IGF2BP3: variants seen among roughly 807,000 people sequenced by gnomAD.
IGF2BP3 encodes insulin like growth factor 2 mRNA binding protein 3, also known as insulin-like growth factor 2 mRNA-binding protein 3.
IGF2BP3 carries 9 observed loss-of-function variants against 73.8 expected under a neutral mutation model. The ratio of observed to expected loss-of-function variants is 0.12; its 90% CI spans 0.07 to 0.21. IGF2BP3 has a LOEUF of 0.21. Among genes scored for constraint, IGF2BP3 ranks in the 10% least tolerant of loss-of-function variants. IGF2BP3 has a pLI of 1.00. For missense variants in IGF2BP3, 542 were observed against 714.0 expected, an observed-to-expected ratio of 0.76 and a Z score of 2.75; for synonymous variants, 258 against 256.7, an observed-to-expected ratio of 1.01 and a Z score of -0.05.
chr7:23,362,782 C>G (rs1785265142), intron 3 of IGF2BP3: 1 of 152,134 alleles, frequency 6.6e-6, no homozygotes, highest in Non-Finnish European at 1.5e-5. Context: ...GAGACAGGGT[C>G]TTGCTATGTC....
chr7:23,424,318 T>C (rs1409552564), intron 2 of IGF2BP3, among the ~76,000 whole-genome samples: 1 of 151,172 alleles, frequency 6.6e-6, no homozygotes, highest in Non-Finnish European at 1.5e-5. Context: ...GCCAAGATGG[T>C]GAAACCCCGT....
intron 2 of IGF2BP3, among the ~76,000 whole-genome samples, chr7:23,435,720 T>C (rs949557536): frequency 6.6e-6 from 1 of 151,906 alleles, no homozygotes; most frequent in African/African-American, 2.4e-5. Context: ...CCTCCCAAAG[T>C]GCTGGGATTA....
At chr7:23,317,757 C>T (rs781299789) in intron 11 of IGF2BP3, 44 bp from the exon 12 acceptor site, 9 of 1,491,176 alleles carry the variant, frequency 6.0e-6, no homozygotes, top group Non-Finnish European at 8.4e-6. Flanking sequence ...TCAGGTATCA[C>T]TGATAGGCAT....
intron 10 of IGF2BP3, among the ~76,000 whole-genome samples, chr7:23,320,390 T>C (rs1224521719): frequency 6.6e-6 from 1 of 152,092 alleles, no homozygotes; most frequent in Non-Finnish European, 1.5e-5. Flanking sequence ...AGGACACATT[T>C]GCTCAAGAGT....
intron 2 of IGF2BP3, among the ~76,000 whole-genome samples, chr7:23,421,674 G>A (rs1245788556): frequency 2.1e-5 from 3 of 141,862 alleles, no homozygotes; most frequent in Non-Finnish European, 4.6e-5. Context: ...CTGGGTGACA[G>A]AGCGAGACTC....
chr7:23,359,834 T>G (rs1170081199), intron 5 of IGF2BP3, among the ~76,000 whole-genome samples: 1 of 152,052 alleles, frequency 6.6e-6, no homozygotes, highest in East Asian at 1.9e-4. Flanking sequence ...TTCCTGGTCT[T>G]CTTACATGAT....
intron 14 of IGF2BP3, 115 bp from the exon 15 acceptor site, chr7:23,312,575 CT>C (rs1292970608): frequency 9.7e-6 from 9 of 929,630 alleles, no homozygotes; most frequent in Non-Finnish European, 1.6e-5. Context: ...AAGATACATA[CT>C]AGTCAGTTTG....
intron 2 of IGF2BP3, among the ~76,000 whole-genome samples, chr7:23,445,541 T>A (rs1788039216): frequency 6.6e-6 from 1 of 152,332 alleles, no homozygotes; most frequent in Admixed American, 6.5e-5. Flanking sequence ...TTAGTTCCTG[T>A]GGGTGTTTTG....
chr7:23,433,433 A>G (rs766552874), intron 2 of IGF2BP3, among the ~76,000 whole-genome samples: 7 of 152,100 alleles, frequency 4.6e-5, no homozygotes, highest in Non-Finnish European at 8.8e-5. Flanking sequence ...AAATTTCTCA[A>G]CAATTTATTA....
intron 10 of IGF2BP3, among the ~76,000 whole-genome samples, chr7:23,323,453 T>G (rs1178311181): frequency 6.9e-6 from 1 of 144,814 alleles, no homozygotes; most frequent in Non-Finnish European, 1.5e-5. Flanking sequence ...AGACTTAGAC[T>G]CCCACACATT....
intron 2 of IGF2BP3, among the ~76,000 whole-genome samples, chr7:23,459,390 CA>C (rs1440517691): frequency 1.3e-5 from 2 of 152,108 alleles, no homozygotes; most frequent in African/African-American, 4.8e-5. Flanking sequence ...GTTTAATGAA[CA>C]AAATGGAAGG....
chr7:23,347,631 T>C lies in IGF2BP3; in HGVS notation c.787A>G (p.Ile263Val). ...TSAACKSILEIMHKEAQDIKF... is the reference protein window; with the variant it reads ...TSAACKSILEVMHKEAQDIKF... ...ATATCTTGAGCTTCCTTATGCATAA[T>C]CTCCAGAATAGACTTACAAGCCGCA... The change falls in exon 7 of 15, where the codon ATT becomes GTT. Residue 263 changes from isoleucine (I) to valine (V), a missense_variant. Transcript: ENST00000258729. 2 of 1,613,742 alleles carry C rather than the reference T, an allele frequency of 1.2e-6. No individual in the cohort carries two copies. Among genetic ancestry groups the C allele is most frequent in the Non-Finnish European group, 1.7e-6 (2 of 1,179,880 alleles).
chr7:23,356,602 A>T (rs1390186967), intron 5 of IGF2BP3, among the ~76,000 whole-genome samples: 1 of 152,094 alleles, frequency 6.6e-6, no homozygotes, highest in African/African-American at 2.4e-5. Flanking sequence ...CATGTCTAAA[A>T]ATCTCTTCTT....
intron 2 of IGF2BP3, among the ~76,000 whole-genome samples, chr7:23,427,509 A>G (rs1787546315): frequency 6.6e-6 from 1 of 150,988 alleles, no homozygotes; most frequent in South Asian, 2.1e-4. Context: ...ACTTTGGGAG[A>G]CCAAGGTGGA....
At chr7:23,452,416 T>C (rs1026781863) in intron 2 of IGF2BP3, among the ~76,000 whole-genome samples, 8 of 152,224 alleles carry the variant, frequency 5.3e-5, no homozygotes, top group Admixed American at 4.6e-4. Flanking sequence ...TGTAATAGAA[T>C]ACTACAAGTG....
At position 23,312,172 on chromosome 7, in the gene IGF2BP3, C is replaced by A; in HGVS notation, c.*190G>T. 27 of 312,688 alleles carry A rather than the reference C, an allele frequency of 8.6e-5. No individual in the cohort carries two copies. Among genetic ancestry groups the A allele is most frequent in the Middle Eastern group, 1.1e-3 (1 of 900 alleles). 19.4% of individuals were successfully genotyped at this position (312,688 alleles called of 1,614,324 possible). On this transcript the variant is annotated 3_prime_UTR_variant, in exon 15 of 15. Transcript: ENST00000258729. ...GTTTGTTTTAAAGCTGGGTGTCATA[C>A]ATTTCAGAGAGCATAAAGTATACAT...
At chr7:23,461,823 T>G (rs950314721) in intron 2 of IGF2BP3, among the ~76,000 whole-genome samples, 5 of 152,236 alleles carry the variant, frequency 3.3e-5, no homozygotes, top group Non-Finnish European at 7.3e-5. Context: ...TCTCGGTACA[T>G]GCATGCCACT....
chr7:23,324,950 C>T (rs1784253940), intron 10 of IGF2BP3, among the ~76,000 whole-genome samples: 1 of 147,536 alleles, frequency 6.8e-6, no homozygotes, highest in South Asian at 2.2e-4. Context: ...CTATGACAAA[C>T]CCACAGCCAA....
intron 10 of IGF2BP3, among the ~76,000 whole-genome samples, chr7:23,338,311 C>G (rs1392167610): frequency 1.3e-5 from 2 of 152,124 alleles, no homozygotes; most frequent in African/African-American, 4.8e-5. Context: ...AGAAACTGTT[C>G]TTTTCAACAT....
Sources: gnomAD v4.1 joint callset for allele counts (sites outside exome capture counted in the v4.1 genomes callset) on GRCh38, gnomAD v4.1.1 for gene constraint, MANE v1.5 for transcripts, NCBI Gene and HGNC (gene_info 2026-07-23, HGNC 2026-07-21) for gene names.